GUSB: variants seen among roughly 807,000 people sequenced by gnomAD.
GUSB encodes the protein glucuronidase beta, also known as beta-glucuronidase.
GUSB carries 51 observed loss-of-function variants against 74.6 expected under a neutral mutation model. That is an observed-to-expected ratio of 0.68 (90% CI 0.55 to 0.86). GUSB has a LOEUF of 0.86. Ranked by LOEUF, GUSB falls within the 40% of genes least tolerant of loss-of-function variation. The pLI, the probability that GUSB is intolerant of heterozygous loss-of-function variation, is 0.00. For synonymous variants in GUSB, 360 were observed against 348.3 expected (o/e 1.03, Z -0.37); for missense variants, 736 against 853.7 (o/e 0.86, Z 1.72).
intron 8 of GUSB, among the ~76,000 whole-genome samples, chr7:65,971,203 C>T (rs60748223): frequency 4.6e-5 from 7 of 152,260 alleles, no homozygotes; most frequent in South Asian, 2.1e-4. Flanking sequence ...ATCAAGCAAA[C>T]GGAGTGCAGG....
intron 8 of GUSB, among the ~76,000 whole-genome samples, 178 bp from the exon 9 acceptor site, chr7:65,970,544 G>A (rs887038863): frequency 6.6e-6 from 1 of 151,904 alleles, no homozygotes; most frequent in South Asian, 2.1e-4. Flanking sequence ...TTGAGGTCAG[G>A]AGTTCAAGAT....
At chr7:65,968,847 A>C (rs2115887326) in intron 9 of GUSB, among the ~76,000 whole-genome samples, 1 of 152,182 alleles carries the variant, frequency 6.6e-6, no homozygotes, top group East Asian at 1.9e-4. Flanking sequence ...TCGGCCTCCC[A>C]AAGTGCTGGG....
chr7:65,981,731 A>G (rs1043813280), intron 1 of GUSB: 1 of 496,920 alleles, frequency 2.0e-6, no homozygotes, highest in Non-Finnish European at 3.6e-6. Flanking sequence ...GCACAGACTC[A>G]GCCTTTACCT....
chr7:65,980,273 C>T lies in GUSB; in HGVS notation c.347G>A (p.Arg116His), dbSNP rs538431094. The T allele has an allele frequency of 3.5e-5, 56 of 1,590,690 alleles. No individual in the cohort carries two copies. The highest frequency in any genetic ancestry group is 4.6e-5 in the Non-Finnish European group (54 of 1,167,338). ...GCCAATCCTCAGCACCACTCTTGTG[C>T]GCAGGTCCTGGGTCCATCGCTCCGG... ...ILPERWTQDL[R>H]TRVVLRIGSA... Residue 116 changes from arginine to histidine, a missense_variant, in exon 2 of 12, where the codon CGC (arginine) becomes CAC (histidine). This residue lies in a region of GUSB where 368 missense variants were observed against 363.8 expected (regional missense o/e 1.01). Coordinates refer to ENST00000304895, the MANE Select transcript of GUSB (RefSeq NM_000181.4).
chr7:65,963,530 A>G (rs1385721148), intron 11 of GUSB, among the ~76,000 whole-genome samples: 2 of 152,168 alleles, frequency 1.3e-5, no homozygotes, highest in Non-Finnish European at 2.9e-5. Flanking sequence ...GACACCGCAG[A>G]TGTTATTCTC....
At position 65,976,046 on chromosome 7, in the gene GUSB, TGCATCAGGTACGGCCACCAGAG is replaced by T. The variant is rs757221229; in HGVS notation, c.859_880del (p.Leu287ThrfsTer14). 4.3e-6 allele frequency: 7 copies of T among 1,613,866 alleles called. No individual in the cohort carries two copies. Among genetic ancestry groups the T allele is most frequent in the Non-Finnish European group, 5.9e-6 (7 of 1,180,004 alleles). On this transcript the variant is annotated frameshift_variant, in exon 5 of 12. Transcript: ENST00000304895. LOFTEE classifies it high-confidence loss of function. The stretch of plus-strand genomic sequence containing the variant: ...TGAATACAGATAGGCAGGGCGTTCG[TGCATCAGGTACGGCCACCAGAG>T]GCTGACACCTGGCACCTTAAGTTGG...
chr7:65,960,886 A>G lies in GUSB; in HGVS notation c.*11T>C. 6.2e-7 allele frequency: 1 copy of G among 1,612,138 alleles called. No homozygotes were observed. Among genetic ancestry groups the G allele is most frequent in the African/African-American group, 1.3e-5 (1 of 75,002 alleles). ...GGGGAGGAAGGGACACGCAGGTGGT[A>G]TCAGTCTTGCTCAAGTAAACAGGCT... On this transcript the variant is annotated 3_prime_UTR_variant, in exon 12 of 12. Coordinates refer to ENST00000304895, the MANE Select transcript of GUSB (RefSeq NM_000181.4).
At chr7:65,978,800 CAG>C (rs1791777865) in intron 4 of GUSB, among the ~76,000 whole-genome samples, 1 of 151,922 alleles carries the variant, frequency 6.6e-6, no homozygotes, top group Admixed American at 6.6e-5. Flanking sequence ...AAAAGAAAGA[CAG>C]GGTCTGCGTC....
rs1790456116 is a variant in GUSB, at chr7:65,961,040, T to G, written c.1813A>C (p.Lys605Gln). ...CTCTGCCGAGTGAAGATCCCCTTTT[T>G]ATTCCCCAGCACTCTCGTCGGTGCT... ...EQSPTRVLGN[K>Q]KGIFTRQRQP... The change falls in exon 12 of 12, where the codon AAA becomes CAA. Residue 605 changes from lysine to glutamine, a missense_variant. By Grantham distance (53) the Lys-to-Gln change is moderately conservative. Coordinates refer to ENST00000304895, the MANE Select transcript of GUSB (RefSeq NM_000181.4). 6.2e-7 allele frequency: 1 copy of G among 1,613,212 alleles called. No homozygotes were observed.
chr7:65,979,690 A>G (rs781460305), intron 3 of GUSB, 37 bp downstream of exon 3: 1 of 1,602,404 alleles, frequency 6.2e-7, no homozygotes, highest in African/African-American at 1.3e-5. Flanking sequence ...TGGGGCGGGA[A>G]GGTGGGTGTG....
intron 4 of GUSB, among the ~76,000 whole-genome samples, chr7:65,977,095 C>A (rs565605890): frequency 2.6e-5 from 4 of 152,226 alleles, no homozygotes; most frequent in South Asian, 4.1e-4. Context: ...AAGGGAGTTT[C>A]CCCAGTAATA....
At position 65,982,095 on chromosome 7, in the gene GUSB, G is replaced by T; in HGVS notation, c.89C>A (p.Pro30His). 6.2e-7 allele frequency: 1 copy of T among 1,601,434 alleles called. No homozygotes were observed. Among genetic ancestry groups the T allele is most frequent in the South Asian group, 1.1e-5 (1 of 89,592 alleles). Residue 30 changes from proline to histidine, a missense_variant, in exon 1 of 12, where the codon CCC becomes CAC. Physicochemically the swap from Pro to His is moderately conservative, Grantham distance 77. Coordinates refer to ENST00000304895, the MANE Select transcript of GUSB (RefSeq NM_000181.4). ...GCACTCCCGCGACGGGCTCTCCTGG[G>T]GGTACAGCATCCCGCCCTGCAGCCC... ...ALGLQGGMLY[P>H]QESPSRECKE...
intron 6 of GUSB, 94 bp downstream of exon 6, chr7:65,974,825 G>A: frequency 6.5e-7 from 1 of 1,547,104 alleles, no homozygotes; most frequent in South Asian, 1.1e-5. Flanking sequence ...TTGCCTCATT[G>A]CCCTGAGCTG....
Position 65,978,012 on chromosome 7 carries a change from A to G in GUSB, c.724+1387T>C, listed in dbSNP as rs561938358. The stretch of plus-strand genomic sequence containing the variant: ...TTTTTAGTAGAGACGGAGTTTCACC[A>G]TGTTAGTCAGGATGGTCGCGATCTC... On this transcript the variant is annotated intron_variant, in intron 4 of 11. Transcript: ENST00000304895. Among the ~76,000 whole-genome samples the G allele has an allele frequency of 3.3e-5, 5 of 150,658 alleles. No homozygotes were observed. In the South Asian group the frequency reaches 6.3e-4, roughly 19 times the overall value.
chr7:65,961,153 T>G, intron 11 of GUSB, 90 bp from the exon 12 acceptor site: 1 of 1,266,030 alleles, frequency 7.9e-7, no homozygotes, highest in Non-Finnish European at 1.1e-6. Context: ...AGGCACTAAA[T>G]AGAAATGTCT....
At chr7:65,965,723 CTA>C (rs1371869351) in intron 10 of GUSB, among the ~76,000 whole-genome samples, 1 of 152,036 alleles carries the variant, frequency 6.6e-6, no homozygotes, top group Non-Finnish European at 1.5e-5. Context: ...GAGATGGGGT[CTA>C]TGTTGCACAG....
chr7:65,961,733 T>C (rs1489821842), intron 11 of GUSB, among the ~76,000 whole-genome samples: 3 of 152,054 alleles, frequency 2.0e-5, no homozygotes, highest in Non-Finnish European at 2.9e-5. Flanking sequence ...GCTGGGCACA[T>C]TGGCTCATGC....
chr7:65,962,449 C>T (rs1034061977), intron 11 of GUSB, among the ~76,000 whole-genome samples: 1 of 152,234 alleles, frequency 6.6e-6, no homozygotes, highest in Non-Finnish European at 1.5e-5. Context: ...ACACAGGCAT[C>T]GCCAAGTACT....
intron 11 of GUSB, chr7:65,964,078 A>T (rs1368609216): frequency 5.0e-5 from 26 of 522,250 alleles, no homozygotes; most frequent in South Asian, 4.1e-4. Context: ...GCCATTTCCG[A>T]TTCACTATAG....
Sources: gnomAD v4.1 joint callset for allele counts (sites outside exome capture counted in the v4.1 genomes callset) on GRCh38, gnomAD v4.1.1 for gene constraint, gnomAD v4.1.1 regional missense constraint, MANE v1.5 for transcripts, NCBI Gene and HGNC (gene_info 2026-07-23, HGNC 2026-07-21) for gene names.